Variants in TRPM3 observed in about 807,000 individuals in gnomAD.
TRPM3 encodes long transient receptor potential channel 3.
Under a neutral mutation model 181.2 loss-of-function variants are expected in TRPM3, and 77 were observed. That is an observed-to-expected ratio of 0.42 (90% confidence interval 0.35 to 0.51). TRPM3 has a LOEUF of 0.51. Ranked by LOEUF, TRPM3 falls within the 20% of genes least tolerant of loss-of-function variation. The pLI, the probability that TRPM3 is intolerant of heterozygous loss-of-function variation, is 0.01. For missense variants in TRPM3, 1,759 were observed against 2,196.7 expected (o/e 0.80, Z 3.98); for synonymous variants, 745 against 796.4 (o/e 0.94, Z 1.09).
chr9:70,808,992 A>G (rs2091300402), intron 6 of TRPM3, among the ~76,000 whole-genome samples: 1 of 152,208 alleles, frequency 6.6e-6, no homozygotes, highest in Non-Finnish European at 1.5e-5. Context: ...AAAAAGTCCT[A>G]TCACCTAGTG....
At chr9:71,099,985 T>A (rs941732948) in intron 1 of TRPM3, among the ~76,000 whole-genome samples, 3 of 152,114 alleles carry the variant, frequency 2.0e-5, no homozygotes, top group Non-Finnish European at 4.4e-5. Context: ...TGTGCTGTAG[T>A]CTCTTATTTT....
intron 25 of TRPM3, among the ~76,000 whole-genome samples, chr9:70,543,409 A>G (rs751937006): frequency 7.2e-5 from 11 of 152,136 alleles, no homozygotes; most frequent in Non-Finnish European, 1.2e-4. Context: ...TAGTCACCCT[A>G]TTGTGCTATC....
chr9:70,760,322 C>G (rs143730849), intron 8 of TRPM3, among the ~76,000 whole-genome samples: 147 of 150,870 alleles, frequency 9.7e-4, no homozygotes, highest in African/African-American at 3.3e-3. Flanking sequence ...GAAGATAATC[C>G]CTACTGTGGC....
chr9:70,569,105 A>G (rs1196182075), intron 22 of TRPM3, among the ~76,000 whole-genome samples: 1 of 152,184 alleles, frequency 6.6e-6, no homozygotes, highest in African/African-American at 2.4e-5. Context: ...GACATAACCA[A>G]TTTCAGGCTA....
chr9:71,410,350 T>C (rs926053115), intron 1 of TRPM3, among the ~76,000 whole-genome samples: 3 of 151,370 alleles, frequency 2.0e-5, no homozygotes, highest in African/African-American at 4.9e-5. Context: ...CTCAACAAAA[T>C]AGACTGCTAG....
chr9:70,648,808 T>C (rs1238310416), intron 9 of TRPM3, among the ~76,000 whole-genome samples: 1 of 152,170 alleles, frequency 6.6e-6, no homozygotes, highest in African/African-American at 2.4e-5. Context: ...AGATTGAAAC[T>C]GGACCCCTTC....
chr9:70,796,909 A>G (rs1162752212), intron 6 of TRPM3, among the ~76,000 whole-genome samples: 1 of 152,128 alleles, frequency 6.6e-6, no homozygotes, highest in African/African-American at 2.4e-5. Flanking sequence ...CAGGAGGATC[A>G]CTTGAGCCCA....
At chr9:70,751,493 T>C (rs576169563) in intron 8 of TRPM3, among the ~76,000 whole-genome samples, 40 of 152,212 alleles carry the variant, frequency 2.6e-4, no homozygotes, top group Middle Eastern at 6.8e-3. Context: ...GACTTAAAAT[T>C]ACTTCTTCAA....
chr9:71,292,506 A>C lies in TRPM3; in HGVS notation c.183+154147T>G, dbSNP rs556361217. On this transcript the variant is annotated intron_variant, in intron 1 of 24. Coordinates refer to the TRPM3 transcript ENST00000357533. ...AAGATAATATAAACAATAAACTATG[A>C]AAATATGGTAAAAAGAACATTCTTA... Among the ~76,000 whole-genome samples the C allele has an allele frequency of 1.2e-4, 19 of 152,152 alleles. No homozygotes were observed. In the South Asian group the frequency reaches 3.9e-3, roughly 32 times the overall value.
intron 6 of TRPM3, among the ~76,000 whole-genome samples, chr9:70,822,962 C>G (rs576925644): frequency 7.2e-4 from 109 of 152,156 alleles, no homozygotes; most frequent in Non-Finnish European, 1.1e-3. Flanking sequence ...GTGATGTGTC[C>G]CTGACAATCT....
rs567002685 is a variant in TRPM3 at position 70,813,527 on chromosome 9, G to C, written c.973+14320C>G. Among the ~76,000 whole-genome samples, 8 of 152,210 alleles carry C rather than the reference G, an allele frequency of 5.3e-5. No homozygotes were observed. The East Asian group carries it at 1.5e-3, about 29-fold the overall frequency. ...CACTAGGGACTCCAAAAGGAGGCAG[G>C]GGCTGAAAATCTTCCTATTGAGTAC... On this transcript the variant is annotated intron_variant, in intron 6 of 25. Transcript: ENST00000677713.
At chr9:71,136,892 G>A (rs942496051) in intron 1 of TRPM3, among the ~76,000 whole-genome samples, 2 of 152,170 alleles carry the variant, frequency 1.3e-5, no homozygotes, top group African/African-American at 4.8e-5. Context: ...TGGTGTGGAT[G>A]ACGACAGTTG....
intron 25 of TRPM3, among the ~76,000 whole-genome samples, chr9:70,538,648 G>C: frequency 6.7e-6 from 1 of 149,874 alleles, no homozygotes; most frequent in Non-Finnish European, 1.5e-5. Context: ...GGCTTGTCTT[G>C]AACTCCTGGG....
intron 8 of TRPM3, among the ~76,000 whole-genome samples, chr9:70,687,087 G>A (rs981833491): frequency 2.6e-5 from 4 of 152,010 alleles, no homozygotes; most frequent in Admixed American, 6.6e-5. Context: ...CAGCCACTGC[G>A]CTGGATCTGA....
chr9:70,848,505 G>C (rs923984855), intron 3 of TRPM3, among the ~76,000 whole-genome samples: 2 of 152,114 alleles, frequency 1.3e-5, no homozygotes, highest in African/African-American at 4.8e-5. Context: ...TTCTAAGCAG[G>C]ATAAATGAAA....
intron 1 of TRPM3, among the ~76,000 whole-genome samples, chr9:70,901,446 T>A (rs1385076427): frequency 6.7e-6 from 1 of 148,870 alleles, no homozygotes; most frequent in Non-Finnish European, 1.5e-5. Context: ...ACAGTTAACT[T>A]TTTTTTTTTT....
At chr9:70,937,562 C>A (rs78635317) in intron 1 of TRPM3, among the ~76,000 whole-genome samples, 13,876 of 152,204 alleles carry the variant, frequency 0.091, 830 homozygotes, top group Non-Finnish European at 0.14. Flanking sequence ...TAAAAAATTA[C>A]ATTTTTAAAT....
At chr9:70,910,877 A>T (rs1564741118) in intron 1 of TRPM3, among the ~76,000 whole-genome samples, 1 of 152,090 alleles carries the variant, frequency 6.6e-6, no homozygotes, top group Admixed American at 6.5e-5. Context: ...ATGGCTTTCA[A>T]CTCTAACCTG....
At chr9:71,173,269 T>C (rs2076952032) in intron 1 of TRPM3, among the ~76,000 whole-genome samples, 1 of 152,234 alleles carries the variant, frequency 6.6e-6, no homozygotes, top group South Asian at 2.1e-4. Flanking sequence ...TATATAATTA[T>C]ATATATTAAC....
Sources: allele counts gnomAD v4.1 joint callset (sites outside exome capture counted in the v4.1 genomes callset), GRCh38; gene constraint gnomAD v4.1.1; transcripts MANE v1.5; gene names NCBI Gene and HGNC (gene_info 2026-07-23, HGNC 2026-07-21).